ZNF18: variants seen among roughly 807,000 people sequenced by gnomAD.
The protein encoded by ZNF18 is heart development-specific gene 1 protein.
In ZNF18, 42 loss-of-function variants were observed where a neutral mutation model predicts 58.1. The ratio of observed to expected loss-of-function variants is 0.72; its 90% confidence interval spans 0.56 to 0.93. The LOEUF (loss-of-function observed/expected upper bound fraction) is 0.93. Ranked by LOEUF, ZNF18 falls within the 40% of genes least tolerant of loss-of-function variation. The pLI is 0.00. For synonymous variants in ZNF18, 231 were observed against 239.8 expected (o/e 0.96, Z 0.34); for missense variants, 540 against 644.2 (o/e 0.84, Z 1.75).
chr17:12,010,534 G>T, the ZNF18 span, among the ~76,000 whole-genome samples: 2 of 151,812 alleles, frequency 1.3e-5, no homozygotes, highest in African/African-American at 2.4e-5. Flanking sequence ...TCCTGCCTCA[G>T]CCTCCCAAGT....
At chr17:12,006,900 T>A in the ZNF18 span, among the ~76,000 whole-genome samples, 1 of 152,234 alleles carries the variant, frequency 6.6e-6, no homozygotes, top group African/African-American at 2.4e-5. Context: ...TAAGACATTC[T>A]GTAATACTGT....
the ZNF18 span, among the ~76,000 whole-genome samples, chr17:12,010,579 C>A: frequency 7.9e-5 from 12 of 152,048 alleles, no homozygotes; most frequent in Non-Finnish European, 1.5e-4. Context: ...CCACGCCCAG[C>A]TAATTTTTTT....
chr17:12,020,589 G>A, the ZNF18 span, among the ~76,000 whole-genome samples: 2 of 152,148 alleles, frequency 1.3e-5, no homozygotes, highest in African/African-American at 2.4e-5. Flanking sequence ...CCTTCTTTCC[G>A]CACAAATGCA....
At chr17:11,981,847 C>CA (rs1408711285) in intron 6 of ZNF18, among the ~76,000 whole-genome samples, 1 of 152,156 alleles carries the variant, frequency 6.6e-6, no homozygotes, top group African/African-American at 2.4e-5. Context: ...TTTCTGACTA[C>CA]AACCCACTAT....
intron 2 of ZNF18, 141 bp downstream of exon 2, chr17:11,992,302 G>A (rs1350219315): frequency 2.7e-6 from 3 of 1,099,430 alleles, no homozygotes; most frequent in Non-Finnish European, 3.8e-6. Context: ...ACTGGTGTTA[G>A]AGAATCACAG....
chr17:11,993,636 C>A (rs7216699), intron 1 of ZNF18: 1 of 151,370 alleles, frequency 6.6e-6, no homozygotes, highest in South Asian at 2.1e-4. Flanking sequence ...CTGGTTAACA[C>A]GGTGAAACCC....
chr17:12,008,901 C>A, the ZNF18 span, among the ~76,000 whole-genome samples: 13 of 152,326 alleles, frequency 8.5e-5, no homozygotes, highest in East Asian at 2.5e-3. Flanking sequence ...AGAATTTAGT[C>A]TAGGTCTACT....
the ZNF18 span, among the ~76,000 whole-genome samples, chr17:12,020,384 G>A: frequency 1.3e-5 from 2 of 152,246 alleles, no homozygotes; most frequent in Non-Finnish European, 2.9e-5. Context: ...TTGGGGTATT[G>A]GGCTTAAGAG....
At chr17:12,011,185 T>C in the ZNF18 span, 2 of 568,366 alleles carry the variant, frequency 3.5e-6, no homozygotes, top group Admixed American at 2.3e-5. Flanking sequence ...CTGGAGAACA[T>C]ATATCGGGTG....
chr17:12,013,038 G>A, the ZNF18 span, among the ~76,000 whole-genome samples: 14 of 151,214 alleles, frequency 9.3e-5, no homozygotes, highest in African/African-American at 2.9e-4. Flanking sequence ...TGCAACCTCC[G>A]CCTCCTGGAT....
At chr17:11,983,000 AT>A (rs1216501189) in intron 6 of ZNF18, among the ~76,000 whole-genome samples, 1 of 152,144 alleles carries the variant, frequency 6.6e-6, no homozygotes, top group African/African-American at 2.4e-5. Context: ...ATTGGTCTTA[AT>A]TTGTGTGAAT....
intron 4 of ZNF18, among the ~76,000 whole-genome samples, chr17:11,984,957 G>A (rs1967639968): frequency 1.3e-5 from 2 of 152,182 alleles, no homozygotes; most frequent in African/African-American, 4.8e-5. Context: ...GAATCTGTTG[G>A]AAAAGCAAGT....
chr17:11,997,842 A>G (rs573841812), upstream of ZNF18, among the ~76,000 whole-genome samples: 1 of 152,256 alleles, frequency 6.6e-6, no homozygotes, highest in African/African-American at 2.4e-5. Context: ...ACGCTCTGCC[A>G]TTATCCCTGA....
the ZNF18 span, chr17:12,020,927 G>C: frequency 8.2e-7 from 1 of 1,217,588 alleles, no homozygotes; most frequent in Non-Finnish European, 1.0e-6. Context: ...GGCTCCGGGG[G>C]CGGCAGCGGC....
chr17:12,004,146 G>A, the ZNF18 span, among the ~76,000 whole-genome samples: 6 of 151,928 alleles, frequency 3.9e-5, no homozygotes, highest in Non-Finnish European at 5.9e-5. Flanking sequence ...CAGGAGAATC[G>A]CTTGAACCCG....
At chr17:12,017,748 A>G in the ZNF18 span, among the ~76,000 whole-genome samples, 3 of 152,194 alleles carry the variant, frequency 2.0e-5, no homozygotes, top group East Asian at 3.9e-4. Flanking sequence ...GTGGTGGCAC[A>G]TGCCTGTAAT....
chr17:11,984,182 G>A lies in ZNF18; in HGVS notation c.682C>T (p.Leu228=), dbSNP rs937089881. The part of the protein sequence containing the change: ...PAAPQEQWRQ[L]DSTQKEQYWD... ...TATTGCTCCTTTTGAGTGGAATCCA[G>A]TTGTCTCCACTGTTCCTGGAAAAAA... The change falls in exon 5 of 7, where the codon CTG becomes TTG. Residue 228 remains leucine (L), a synonymous_variant. Transcript: ENST00000580306. 2.5e-6 allele frequency: 4 copies of A among 1,604,000 alleles called. No homozygotes were observed. The African/African-American group carries it at 4.1e-5, about 16-fold the overall frequency.
At chr17:11,980,679 A>G (rs1967283099) in intron 6 of ZNF18, among the ~76,000 whole-genome samples, 2 of 152,014 alleles carry the variant, frequency 1.3e-5, no homozygotes, top group Non-Finnish European at 2.9e-5. Context: ...TCAGCCTCCC[A>G]CAGTGCTGGG....
chr17:12,014,866 C>T, the ZNF18 span, among the ~76,000 whole-genome samples: 9 of 152,108 alleles, frequency 5.9e-5, no homozygotes, highest in Non-Finnish European at 8.8e-5. Flanking sequence ...CTGGCTAACA[C>T]GGTGAAACCG....
Sources: gnomAD v4.1 joint callset for allele counts (sites outside exome capture counted in the v4.1 genomes callset) on GRCh38, gnomAD v4.1.1 for gene constraint, MANE v1.5 for transcripts, NCBI Gene and HGNC (gene_info 2026-07-23, HGNC 2026-07-21) for gene names.